The following SPARCL1 variants were observed in gnomAD, a reference collection of about 807,000 sequenced individuals.
SPARCL1 encodes SPARC like 1, also known as SPARC-like protein 1.
Under a neutral mutation model 67.1 loss-of-function variants are expected in SPARCL1, and 52 were observed. The ratio of observed to expected loss-of-function variants is 0.78; its 90% confidence interval spans 0.62 to 0.98. SPARCL1 has a LOEUF of 0.98. SPARCL1 is among the 50% of genes least tolerant of loss of function. The pLI is 0.00. For missense variants in SPARCL1, 717 were observed against 782.4 expected (o/e 0.92, Z 1.00); for synonymous variants, 226 against 267.8 (o/e 0.84, Z 1.52).
intron 7 of SPARCL1, among the ~76,000 whole-genome samples, chr4:87,488,457 C>T (rs1039282052): frequency 6.6e-5 from 10 of 152,316 alleles, no homozygotes; most frequent in African/African-American, 2.4e-4. Flanking sequence ...CCTGTTCCTT[C>T]CTCTGGAAGC....
intron 7 of SPARCL1, among the ~76,000 whole-genome samples, chr4:87,486,006 A>T (rs869161933): frequency 1.3e-5 from 2 of 151,674 alleles, no homozygotes; most frequent in African/African-American, 4.8e-5. Context: ...TTAATCTTTT[A>T]AAAAAACCAG....
chr4:87,508,037 G>A (rs1725176489), intron 1 of SPARCL1, among the ~76,000 whole-genome samples: 1 of 152,238 alleles, frequency 6.6e-6, no homozygotes, highest in African/African-American at 2.4e-5. Flanking sequence ...CATAGGTTCA[G>A]TTATCTTGTA....
chr4:87,516,289 AG>A, intron 1 of SPARCL1, among the ~76,000 whole-genome samples: 1 of 152,318 alleles, frequency 6.6e-6, no homozygotes, highest in East Asian at 1.9e-4. Context: ...CTGACCCACC[AG>A]ATCTCGAGAC....
chr4:87,482,388 A>T, intron 8 of SPARCL1, 36 bp downstream of exon 8: 1 of 1,606,846 alleles, frequency 6.2e-7, no homozygotes, highest in Non-Finnish European at 8.5e-7. Context: ...TGCCCTGTAG[A>T]CAGACATTGA....
chr4:87,475,762 A>G (rs974022997), intron 10 of SPARCL1, among the ~76,000 whole-genome samples: 2 of 152,228 alleles, frequency 1.3e-5, no homozygotes, highest in Non-Finnish European at 2.9e-5. Flanking sequence ...AGCTGCAGAG[A>G]AAAAGAATGC....
rs1327317528 is a variant in SPARCL1 at position 87,491,940 on chromosome 4, ACCCACC to A, written c.1219-256_1219-251del. On this transcript the variant is annotated intron_variant, in intron 4 of 10. Coordinates refer to ENST00000282470, the MANE Select transcript of SPARCL1 (RefSeq NM_004684.6). ...GGCAACATAGGGAAACTCCATCTCT[ACCCACC>A]CCCCCCCCCAAAAAAAAAAAAATTA... Among the ~76,000 whole-genome samples the A allele has an allele frequency of 5.2e-3, 54 of 10,426 alleles. 4 individuals are homozygous for A. In the South Asian group the frequency reaches 0.21, roughly 40 times the overall value. 6.8% of individuals were successfully genotyped at this position (10,426 alleles called of 152,430 possible).
chr4:87,495,958 C>T (rs147614601), intron 2 of SPARCL1, among the ~76,000 whole-genome samples: 41 of 152,164 alleles, frequency 2.7e-4, no homozygotes, highest in African/African-American at 7.9e-4. Flanking sequence ...AGAATTAATT[C>T]AGACTGTGTG....
chr4:87,524,227 C>A (rs1288347208), intron 1 of SPARCL1, among the ~76,000 whole-genome samples: 1 of 151,390 alleles, frequency 6.6e-6, no homozygotes, highest in Non-Finnish European at 1.5e-5. Context: ...TAAAAAGTCA[C>A]AATTCTTTTT....
chr4:87,526,823 A>G (rs1726063906), intron 1 of SPARCL1, among the ~76,000 whole-genome samples: 1 of 152,220 alleles, frequency 6.6e-6, no homozygotes, highest in African/African-American at 2.4e-5. Context: ...CATATTATCT[A>G]CGATTGATTG....
intron 8 of SPARCL1, 101 bp downstream of exon 8, chr4:87,482,323 G>T: frequency 7.9e-7 from 1 of 1,265,748 alleles, no homozygotes; most frequent in Non-Finnish European, 1.1e-6. Flanking sequence ...AAGCATAGTG[G>T]GCTTTTGCCA....
chr4:87,478,726 C>T (rs888509785), intron 10 of SPARCL1, among the ~76,000 whole-genome samples: 4 of 152,182 alleles, frequency 2.6e-5, no homozygotes, highest in African/African-American at 9.6e-5. Context: ...GCATGAGCCA[C>T]CGTGCCCAGC....
intron 1 of SPARCL1, among the ~76,000 whole-genome samples, chr4:87,526,738 A>AT (rs1295432365): frequency 1.3e-5 from 2 of 152,188 alleles, no homozygotes; most frequent in African/African-American, 4.8e-5. Flanking sequence ...CAAGGAAGAA[A>AT]CCCTGAGAAA....
intron 1 of SPARCL1, among the ~76,000 whole-genome samples, chr4:87,523,147 G>A (rs1560456475): frequency 6.6e-6 from 1 of 151,940 alleles, no homozygotes; most frequent in Non-Finnish European, 1.5e-5. Context: ...TGTAATCCTA[G>A]CCACTCAGGA....
chr4:87,501,300 T>G (rs1480161942), intron 1 of SPARCL1, among the ~76,000 whole-genome samples: 1 of 152,120 alleles, frequency 6.6e-6, no homozygotes, highest in African/African-American at 2.4e-5. Context: ...TCTTTTTTCT[T>G]CTGTTTGATT....
chr4:87,511,311 A>G (rs1462353745), intron 1 of SPARCL1, among the ~76,000 whole-genome samples: 1 of 152,244 alleles, frequency 6.6e-6, no homozygotes, highest in Non-Finnish European at 1.5e-5. Flanking sequence ...CACATTTCTC[A>G]TATGAACAAC....
chr4:87,526,272 T>G (rs925887878), intron 1 of SPARCL1, among the ~76,000 whole-genome samples: 1 of 152,206 alleles, frequency 6.6e-6, no homozygotes, highest in Non-Finnish European at 1.5e-5. Context: ...GGGAAAATAG[T>G]AGTGTCCGAT....
intron 1 of SPARCL1, among the ~76,000 whole-genome samples, chr4:87,510,723 C>A (rs1432280860): frequency 6.6e-6 from 1 of 152,236 alleles, no homozygotes; most frequent in Non-Finnish European, 1.5e-5. Context: ...AGAACTCGGA[C>A]ACACTACGTG....
intron 5 of SPARCL1, among the ~76,000 whole-genome samples, 155 bp from the exon 6 acceptor site, chr4:87,491,033 T>A (rs1193858119): frequency 6.6e-6 from 1 of 152,238 alleles, no homozygotes; most frequent in African/African-American, 2.4e-5. Flanking sequence ...GGAATCCTCT[T>A]TAATTGATGT....
intron 1 of SPARCL1, among the ~76,000 whole-genome samples, chr4:87,508,410 G>A (rs568879664): frequency 1.3e-5 from 2 of 151,818 alleles, no homozygotes; most frequent in African/African-American, 4.8e-5. Context: ...ATGTTGCCCA[G>A]GATGGTCTTG....
Sources: gnomAD v4.1 joint callset for allele counts (sites outside exome capture counted in the v4.1 genomes callset) on GRCh38, gnomAD v4.1.1 for gene constraint, MANE v1.5 for transcripts, NCBI Gene and HGNC (gene_info 2026-07-23, HGNC 2026-07-21) for gene names.